The following GSE1 variants were observed in gnomAD, a reference collection of about 807,000 sequenced individuals.
GSE1 encodes the protein genetic suppressor element 1.
A neutral mutation model predicts 112.6 loss-of-function variants in GSE1; 32 were observed. The ratio of observed to expected loss-of-function variants is 0.28; its 90% CI spans 0.21 to 0.38. The LOEUF is 0.38. Among genes scored for constraint, GSE1 ranks in the 10% least tolerant of loss-of-function variants. The pLI is 1.00. For missense variants in GSE1, 2,348 were observed against 1,699.2 expected, an observed-to-expected ratio of 1.38 and a Z score of -6.71; for synonymous variants, 1,115 against 735.6, an observed-to-expected ratio of 1.52 and a Z score of -8.35.
chr16:85,323,185 C>T (rs1335332291), intron 1 of GSE1, among the ~76,000 whole-genome samples: 1 of 152,162 alleles, frequency 6.6e-6, no homozygotes, highest in Non-Finnish European at 1.5e-5. Flanking sequence ...ACTTGAAGGG[C>T]TGCAGTCTCA....
chr16:85,331,707 ATTTTT>A (rs566551746), intron 1 of GSE1, among the ~76,000 whole-genome samples: 2,403 of 51,788 alleles, frequency 0.046, 72 homozygotes, highest in East Asian at 0.081. Flanking sequence ...ATATATATAT[ATTTTT>A]TTTTTTTTTT....
chr16:85,661,058 C>G, intron 8 of GSE1, 88 bp from the exon 9 acceptor site: 3 of 1,313,270 alleles, frequency 2.3e-6, no homozygotes, highest in Non-Finnish European at 3.1e-6. Context: ...CCATCTGTGT[C>G]ATCTTAGGAG....
chr16:85,647,544 G>C (rs1003922360), intron 2 of GSE1, among the ~76,000 whole-genome samples: 10 of 152,140 alleles, frequency 6.6e-5, no homozygotes, highest in African/African-American at 2.4e-4. Context: ...AGCCACCACC[G>C]CACTGCATCC....
chr16:85,247,867 C>T (rs1299740608), intron 1 of GSE1, among the ~76,000 whole-genome samples: 3 of 152,206 alleles, frequency 2.0e-5, no homozygotes, highest in East Asian at 3.9e-4. Flanking sequence ...ACAGGCCCTG[C>T]ATCCAAGCAT....
chr16:85,620,404 T>C (rs538956903), intron 1 of GSE1, among the ~76,000 whole-genome samples: 121 of 152,376 alleles, frequency 7.9e-4, no homozygotes, highest in Non-Finnish European at 1.6e-3. Flanking sequence ...TGTAATGTTT[T>C]TGCATTTGAC....
intron 2 of GSE1, among the ~76,000 whole-genome samples, chr16:85,442,089 G>A (rs1436019421): frequency 1.3e-5 from 2 of 152,158 alleles, no homozygotes; most frequent in African/African-American, 2.4e-5. Flanking sequence ...TCTGCCTCAG[G>A]GCCTTTGCAC....
At chr16:85,259,578 T>C (rs1907455483) in intron 1 of GSE1, among the ~76,000 whole-genome samples, 1 of 152,184 alleles carries the variant, frequency 6.6e-6, no homozygotes, top group South Asian at 2.1e-4. Flanking sequence ...TGCCCAGGGC[T>C]AGTGGGAGGA....
At chr16:85,620,704 C>T (rs2048675375) in intron 1 of GSE1, among the ~76,000 whole-genome samples, 1 of 152,286 alleles carries the variant, frequency 6.6e-6, no homozygotes, top group Non-Finnish European at 1.5e-5. Context: ...CATCTCTGAG[C>T]TGTTGGGGAA....
intron 2 of GSE1, among the ~76,000 whole-genome samples, chr16:85,459,643 T>C (rs2049920499): frequency 6.6e-6 from 1 of 152,184 alleles, no homozygotes; most frequent in Non-Finnish European, 1.5e-5. Flanking sequence ...TGTTAGTTCA[T>C]GCCAAGGGCT....
chr16:85,221,854 C>T (rs1268024455), intron 1 of GSE1, among the ~76,000 whole-genome samples: 1 of 152,208 alleles, frequency 6.6e-6, no homozygotes, highest in Admixed American at 6.5e-5. Flanking sequence ...ACGTCAGTCC[C>T]GCTTGGAGCC....
intron 2 of GSE1, among the ~76,000 whole-genome samples, chr16:85,385,030 T>A (rs2047656356): frequency 6.6e-6 from 1 of 152,184 alleles, no homozygotes; most frequent in Non-Finnish European, 1.5e-5. Flanking sequence ...CAGAAACACT[T>A]CCCATCATAA....
At chr16:85,611,988 C>G (rs1329122769), upstream of GSE1, among the ~76,000 whole-genome samples, 1 of 152,060 alleles carries the variant, frequency 6.6e-6, no homozygotes, top group Non-Finnish European at 1.5e-5. Flanking sequence ...AGTCGAAACC[C>G]GCACCGCAGC....
chr16:85,597,327 T>A (rs1363790654), intron 1 of GSE1, among the ~76,000 whole-genome samples: 1 of 129,954 alleles, frequency 7.7e-6, no homozygotes, highest in Non-Finnish European at 1.5e-5. Flanking sequence ...TGAGCTGAGA[T>A]CGTCCCACTG....
chr16:85,337,367 G>A (rs1323904423), intron 1 of GSE1, among the ~76,000 whole-genome samples: 3 of 149,116 alleles, frequency 2.0e-5, no homozygotes, highest in African/African-American at 5.0e-5. Context: ...GTGCAGTGGC[G>A]CGATCTCGGC....
chr16:85,634,940 G>A (rs1027657294), intron 2 of GSE1, among the ~76,000 whole-genome samples: 3 of 151,144 alleles, frequency 2.0e-5, no homozygotes, highest in Admixed American at 6.5e-5. Flanking sequence ...CTCTGGACTC[G>A]CTGCTGACAG....
At chr16:85,462,706 A>AGGGAGGC (rs368990086) in intron 2 of GSE1, among the ~76,000 whole-genome samples, 68 of 89,334 alleles carry the variant, frequency 7.6e-4, no homozygotes, top group South Asian at 1.9e-3. Context: ...GCGGCGCGGG[A>AGGGAGGC]GGGAGGCGGG....
intron 2 of GSE1, among the ~76,000 whole-genome samples, chr16:85,641,747 C>G (rs2050467771): frequency 6.6e-6 from 1 of 152,262 alleles, no homozygotes; most frequent in Non-Finnish European, 1.5e-5. Context: ...GTCTGCTATT[C>G]CCGTTCCACT....
chr16:85,524,402 G>T (rs1450482871), intron 2 of GSE1, among the ~76,000 whole-genome samples: 1 of 152,154 alleles, frequency 6.6e-6, no homozygotes, highest in Non-Finnish European at 1.5e-5. Context: ...TGCCTGCGAA[G>T]CTCAGAATGG....
intron 1 of GSE1, among the ~76,000 whole-genome samples, chr16:85,248,455 C>T (rs887744795): frequency 6.6e-6 from 1 of 151,838 alleles, no homozygotes; most frequent in Non-Finnish European, 1.5e-5. Context: ...TTTTCTCTCA[C>T]GCTCCCTCCT....
Sources: allele counts gnomAD v4.1 joint callset (sites outside exome capture counted in the v4.1 genomes callset), GRCh38; gene constraint gnomAD v4.1.1; transcripts MANE v1.5; gene names NCBI Gene and HGNC (gene_info 2026-07-23, HGNC 2026-07-21).